Variants in TRPM3 observed in about 807,000 individuals in gnomAD.
TRPM3 encodes long transient receptor potential channel 3.
TRPM3 carries 77 observed loss-of-function variants against 181.2 expected under a neutral mutation model. The ratio of observed to expected loss-of-function variants is 0.42; its 90% CI spans 0.35 to 0.51. The LOEUF (loss-of-function observed/expected upper bound fraction) is 0.51. Among genes scored for constraint, TRPM3 ranks in the 20% least tolerant of loss-of-function variants. The pLI, the probability that TRPM3 is intolerant of heterozygous loss-of-function variation, is 0.01. For missense variants in TRPM3, 1,759 were observed against 2,196.7 expected (o/e 0.80, Z 3.98); for synonymous variants, 745 against 796.4 (o/e 0.94, Z 1.09).
rs568619538 is a variant in TRPM3 at position 70,904,006 on chromosome 9, C to T, written c.178-39495G>A. Among the ~76,000 whole-genome samples, 181 of 152,164 alleles carry T rather than the reference C, an allele frequency of 1.2e-3. 1 individual carries two copies. The highest frequency in any genetic ancestry group is 4.2e-3 in the African/African-American group (174 of 41,498). On this transcript the variant is annotated intron_variant, in intron 1 of 25. Coordinates refer to ENST00000677713, the MANE Select transcript of TRPM3 (RefSeq NM_001366145.2). Reference sequence around the variant, plus strand: ...GGAAGACCAAGGCAGGAGGATCTCTCGAGCCTAGGAGTTTGAGACCAGCCT... The same window carrying T: ...GGAAGACCAAGGCAGGAGGATCTCTTGAGCCTAGGAGTTTGAGACCAGCCT...
chr9:71,119,260 T>C (rs1474833547), intron 1 of TRPM3, among the ~76,000 whole-genome samples: 2 of 152,178 alleles, frequency 1.3e-5, no homozygotes, highest in African/African-American at 4.8e-5. Flanking sequence ...TCCTGTCTTT[T>C]AGATATTGAA....
chr9:71,008,816 G>C (rs956860673), intron 1 of TRPM3, among the ~76,000 whole-genome samples: 1 of 152,242 alleles, frequency 6.6e-6, no homozygotes, highest in African/African-American at 2.4e-5. Context: ...CTGAACTCCC[G>C]CCTAGGCGAC....
At chr9:70,613,806 T>C (rs546236743) in intron 18 of TRPM3, among the ~76,000 whole-genome samples, 1 of 152,296 alleles carries the variant, frequency 6.6e-6, no homozygotes, top group East Asian at 1.9e-4. Flanking sequence ...GATGCATCTC[T>C]TATGGTGGCT....
At chr9:70,773,047 G>A (rs949849710) in intron 7 of TRPM3, among the ~76,000 whole-genome samples, 1 of 152,184 alleles carries the variant, frequency 6.6e-6, no homozygotes, top group African/African-American at 2.4e-5. Context: ...CTGGCCTCCT[G>A]CAATTGACTG....
At chr9:70,587,063 A>T (rs2057268741) in intron 22 of TRPM3, among the ~76,000 whole-genome samples, 1 of 152,176 alleles carries the variant, frequency 6.6e-6, no homozygotes, top group Admixed American at 6.5e-5. Flanking sequence ...AAGCAAAAAC[A>T]AAACAAAAAC....
In TRPM3 at chr9:70,530,888, CTT is replaced by C. The variant is rs1192391267; in HGVS notation, c.*5063_*5064del. ...CAAAACTGTGCAAATTGGCTCCTCTCTTTAACAGATGTTGAATGGCTTCTAGT... is the reference window on the plus strand; with the variant it reads ...CAAAACTGTGCAAATTGGCTCCTCTCTAACAGATGTTGAATGGCTTCTAGT... On this transcript the variant is annotated 3_prime_UTR_variant, in exon 26 of 26. Transcript: ENST00000677713. 1 of 152,156 alleles carries C rather than the reference CTT, an allele frequency of 6.6e-6. No homozygotes were observed. Among genetic ancestry groups the C allele is most frequent in the Non-Finnish European group, 1.5e-5 (1 of 68,024 alleles). 9.4% of individuals were successfully genotyped at this position (152,156 alleles called of 1,614,324 possible).
chr9:71,010,595 C>A (rs2097726163), intron 1 of TRPM3, among the ~76,000 whole-genome samples: 1 of 151,990 alleles, frequency 6.6e-6, no homozygotes, highest in Non-Finnish European at 1.5e-5. Context: ...ATTAGAAAGG[C>A]TGTTTTTAAA....
chr9:70,801,587 G>A (rs2089077607), intron 6 of TRPM3, among the ~76,000 whole-genome samples: 1 of 151,976 alleles, frequency 6.6e-6, no homozygotes, highest in Non-Finnish European at 1.5e-5. Flanking sequence ...ATAAATGAAT[G>A]CCTCATCCAG....
chr9:70,590,237 T>A (rs2057890127), intron 22 of TRPM3, among the ~76,000 whole-genome samples: 1 of 152,134 alleles, frequency 6.6e-6, no homozygotes, highest in African/African-American at 2.4e-5. Flanking sequence ...GTCCTGACAT[T>A]TGGTCCCAGT....
intron 1 of TRPM3, among the ~76,000 whole-genome samples, chr9:71,348,639 C>T (rs528495749): frequency 1.6e-3 from 237 of 151,670 alleles, no homozygotes; most frequent in African/African-American, 5.5e-3. Context: ...TCGCAATCTC[C>T]GCTCACTGCA....
chr9:71,268,830 G>A (rs1714181946), intron 1 of TRPM3, among the ~76,000 whole-genome samples: 1 of 151,502 alleles, frequency 6.6e-6, no homozygotes, highest in African/African-American at 2.4e-5. Context: ...TCCAAAAAAA[G>A]TTTAAAAAAA....
rs1187492015 is a variant in TRPM3 at position 70,532,636 on chromosome 9, C to T, written c.*3317G>A. 8.1e-6 allele frequency: 1 copy of T among 124,144 alleles called. No homozygotes were observed. The highest frequency in any genetic ancestry group is 2.9e-5 in the African/African-American group (1 of 34,440). 7.7% of individuals were successfully genotyped at this position (124,144 alleles called of 1,614,324 possible). On this transcript the variant is annotated 3_prime_UTR_variant, in exon 26 of 26. Transcript: ENST00000677713. Reference sequence around the variant, plus strand: ...CTCCATGGTCATTTTCATAAAACATCCTTAAATTTTTTTCAAAAGGAACAA... The same window carrying T: ...CTCCATGGTCATTTTCATAAAACATTCTTAAATTTTTTTCAAAAGGAACAA...
chr9:71,165,479 C>T (rs2076495566), intron 1 of TRPM3, among the ~76,000 whole-genome samples: 1 of 152,082 alleles, frequency 6.6e-6, no homozygotes, highest in Non-Finnish European at 1.5e-5. Context: ...CTTCTAACAG[C>T]ATGTTGAGTG....
At chr9:70,622,943 T>A (rs1014443376) in intron 14 of TRPM3, among the ~76,000 whole-genome samples, 25 of 152,312 alleles carry the variant, frequency 1.6e-4, no homozygotes, top group South Asian at 4.1e-4. Flanking sequence ...GGTATTTTTT[T>A]AAAAATTCTG....
At chr9:70,899,681 A>C (rs78490386) in intron 1 of TRPM3, among the ~76,000 whole-genome samples, 129 of 152,328 alleles carry the variant, frequency 8.5e-4, no homozygotes, top group Non-Finnish European at 1.2e-3. Flanking sequence ...GCCCCAATGC[A>C]TCCCACAGAT....
chr9:71,277,583 C>G (rs1373562924), intron 1 of TRPM3, among the ~76,000 whole-genome samples: 1 of 152,024 alleles, frequency 6.6e-6, no homozygotes, highest in Non-Finnish European at 1.5e-5. Flanking sequence ...AAGAATATTA[C>G]AAGGTGGCAA....
chr9:70,902,996 C>T lies in TRPM3; in HGVS notation c.178-38485G>A, dbSNP rs115487434. Among the ~76,000 whole-genome samples, 829 of 152,194 alleles carry T rather than the reference C, an allele frequency of 5.4e-3. 7 individuals are homozygous for T. Among genetic ancestry groups the T allele is most frequent in the South Asian group, 0.048 (232 of 4,820 alleles). ...ACAATACAAGGCATCGTGTGTTTTG[C>T]TGTAAAAGAGGAGGTGAAGCAGATG... On this transcript the variant is annotated intron_variant, in intron 1 of 25. Transcript: ENST00000677713.
chr9:71,313,584 G>A (rs550196640), intron 1 of TRPM3, among the ~76,000 whole-genome samples: 2 of 152,196 alleles, frequency 1.3e-5, no homozygotes, highest in South Asian at 2.1e-4. Flanking sequence ...ACCTATCACA[G>A]TTAAGACATT....
chr9:71,411,280 G>GA (rs1454984636), intron 1 of TRPM3, among the ~76,000 whole-genome samples: 1 of 152,176 alleles, frequency 6.6e-6, no homozygotes, highest in Admixed American at 6.5e-5. Flanking sequence ...AAGAAATAAA[G>GA]GATATTCAAT....
Sources: allele counts gnomAD v4.1 joint callset (sites outside exome capture counted in the v4.1 genomes callset), GRCh38; gene constraint gnomAD v4.1.1; transcripts MANE v1.5; gene names NCBI Gene and HGNC (gene_info 2026-07-23, HGNC 2026-07-21).